The following SHC2 variants were observed in gnomAD, a reference collection of about 807,000 sequenced individuals.
SHC2 encodes SHC-transforming protein 2.
A neutral mutation model predicts 60.6 loss-of-function variants in SHC2; 62 were observed. The ratio of observed to expected loss-of-function variants is 1.02; its 90% CI spans 0.83 to 1.26. The LOEUF is 1.26. Among genes scored for constraint, SHC2 ranks in the 50% most tolerant of loss-of-function variants. The pLI is 0.00. For synonymous variants in SHC2, 375 were observed against 372.4 expected, an observed-to-expected ratio of 1.01 and a Z score of -0.08; for missense variants, 873 against 822.2, an observed-to-expected ratio of 1.06 and a Z score of -0.76.
chr19:451,973 G>A (rs1023635347), intron 1 of SHC2, among the ~76,000 whole-genome samples: 9 of 152,220 alleles, frequency 5.9e-5, no homozygotes, highest in Admixed American at 2.0e-4. Context: ...GACTCCAGCC[G>A]TGGTGTCGGA....
At chr19:429,703 G>A (rs1375132890) in intron 9 of SHC2, among the ~76,000 whole-genome samples, 96 of 90,752 alleles carry the variant, frequency 1.1e-3, no homozygotes, top group South Asian at 2.0e-3. Context: ...CAACATGCAC[G>A]GAAACCTAAC....
Position 417,214 on chromosome 19 carries a change from C to CGGTGGTT in SHC2, c.*107_*113dup, listed in dbSNP as rs1023461243. ...GCTCATGCGGAGGAAGGAGAGGCAG[C>CGGTGGTT]GGTGGTTCGGCCTGACCAGGATCCA... On this transcript the variant is annotated 3_prime_UTR_variant, in exon 13 of 13. Transcript: ENST00000264554. 6.5e-6 allele frequency: 1 copy of CGGTGGTT among 152,996 alleles called. No individual in the cohort carries two copies. Among genetic ancestry groups the CGGTGGTT allele is most frequent in the African/African-American group, 2.4e-5 (1 of 41,430 alleles). 9.5% of individuals were successfully genotyped at this position (152,996 alleles called of 1,614,324 possible).
intron 9 of SHC2, among the ~76,000 whole-genome samples, chr19:428,379 G>A (rs1467737675): frequency 6.6e-6 from 1 of 152,222 alleles, no homozygotes; most frequent in Non-Finnish European, 1.5e-5. Context: ...ACTGCTGTCT[G>A]TCATGGCAAA....
intron 1 of SHC2, among the ~76,000 whole-genome samples, chr19:458,464 G>A (rs1975434470): frequency 7.1e-6 from 1 of 140,614 alleles, no homozygotes; most frequent in Non-Finnish European, 1.6e-5. Flanking sequence ...GGGTTCCGGG[G>A]AGGCAGACGC....
chr19:430,772 C>T (rs1448708677), intron 8 of SHC2, 25 bp from the exon 9 acceptor site: 1 of 1,609,780 alleles, frequency 6.2e-7, no homozygotes, highest in South Asian at 1.1e-5. Context: ...GTGAGAGGTT[C>T]CCCGGTGTGT....
chr19:417,476 C>T (rs1568278443), intron 12 of SHC2, among the ~76,000 whole-genome samples, 154 bp from the exon 13 acceptor site: 1 of 152,228 alleles, frequency 6.6e-6, no homozygotes, highest in Non-Finnish European at 1.5e-5. Context: ...ATGGCTGGGG[C>T]TCCGGTGCAG....
In SHC2 at chr19:438,324, G is replaced by A. The variant is rs1568289745; in HGVS notation, c.720+394C>T. On this transcript the variant is annotated intron_variant, in intron 4 of 12. Transcript: ENST00000264554. This position sits in a 1 kb window ranked among gnomAD's most constrained non-coding sequence, Gnocchi z 5.0. ...GCGTGAGCAACCAAGCCCGAGCCTG[G>A]TCTGCAATTATACTTTTGTTGTTTG... 6.6e-6 allele frequency among the ~76,000 whole-genome samples: 1 copy of A among 152,242 alleles called. No homozygotes were observed. Among genetic ancestry groups the A allele is most frequent in the Non-Finnish European group, 1.5e-5 (1 of 68,042 alleles).
At chr19:448,756 G>C (rs1373764389) in intron 1 of SHC2, among the ~76,000 whole-genome samples, 1 of 152,156 alleles carries the variant, frequency 6.6e-6, no homozygotes, top group South Asian at 2.1e-4. Context: ...ACACCAGGCA[G>C]ACACAAACTG....
chr19:455,021 C>T (rs1348191274), intron 1 of SHC2, among the ~76,000 whole-genome samples: 1 of 152,236 alleles, frequency 6.6e-6, no homozygotes, highest in East Asian at 1.9e-4. Context: ...AGACGGCAGT[C>T]ACCGGGTCAG....
At chr19:456,044 G>A (rs1414692074) in intron 1 of SHC2, among the ~76,000 whole-genome samples, 2 of 152,152 alleles carry the variant, frequency 1.3e-5, no homozygotes. Context: ...GCTCCCGCAG[G>A]AGGACCCTCA....
At position 438,949 on chromosome 19, in the gene SHC2, G is replaced by C; in HGVS notation, c.600+21C>G. 1 of 1,592,630 alleles carries C rather than the reference G, an allele frequency of 6.3e-7. No homozygotes were observed. The highest frequency in any genetic ancestry group is 8.5e-7 in the Non-Finnish European group (1 of 1,170,012). Reference sequence around the variant, plus strand: ...CCCGACTGCCCCACCAGCCCCACGAGAGACCACAAGCCTCACTCACCTTTT... The same window carrying C: ...CCCGACTGCCCCACCAGCCCCACGACAGACCACAAGCCTCACTCACCTTTT... On this transcript the variant is annotated intron_variant, in intron 3 of 12. Transcript: ENST00000264554. The surrounding 1 kb of genome is among the most constrained non-coding windows in gnomAD (Gnocchi z 5.0).
intron 12 of SHC2, 29 bp downstream of exon 12, chr19:418,894 G>C: frequency 1.3e-6 from 2 of 1,570,476 alleles, no homozygotes; most frequent in South Asian, 2.3e-5. Flanking sequence ...AGGAGGCAAG[G>C]CCAGCGACCC....
chr19:452,140 G>A (rs1236354660), intron 1 of SHC2, among the ~76,000 whole-genome samples: 4 of 152,040 alleles, frequency 2.6e-5, no homozygotes, highest in African/African-American at 4.8e-5. Context: ...GCGTTTCTCC[G>A]TTTCACTGCG....
rs1228252536 is a variant in SHC2 at position 446,238 on chromosome 19, C to T, written c.469-5306G>A. 2.6e-5 allele frequency among the ~76,000 whole-genome samples: 4 copies of T among 152,054 alleles called. No individual in the cohort carries two copies. Among genetic ancestry groups the T allele is most frequent in the Admixed American group, 6.6e-5 (1 of 15,252 alleles). On this transcript the variant is annotated intron_variant, in intron 1 of 12. Coordinates refer to ENST00000264554, the MANE Select transcript of SHC2 (RefSeq NM_012435.3). The surrounding 1 kb of genome is among the most constrained non-coding windows in gnomAD (Gnocchi z 5.4). ...AACCAGCCCTGCCCACACCTTGGCT[C>T]GGACGTTGGGCCCCAGAACTGTGAC... is the stretch of plus-strand genomic sequence containing the variant.
chr19:437,851 C>G, intron 4 of SHC2, among the ~76,000 whole-genome samples: 1 of 152,004 alleles, frequency 6.6e-6, no homozygotes, highest in East Asian at 1.9e-4. Context: ...GATTCCCCTC[C>G]TCACCACCTC....
chr19:452,150 G>A (rs999389950), intron 1 of SHC2, among the ~76,000 whole-genome samples: 1 of 152,148 alleles, frequency 6.6e-6, no homozygotes, highest in Non-Finnish European at 1.5e-5. Flanking sequence ...GTTTCACTGC[G>A]GTTGGGGCAT....
At position 424,577 on chromosome 19, in the gene SHC2, C is replaced by A. The variant is rs1201561714; in HGVS notation, c.1309+520G>T. 6.6e-6 allele frequency among the ~76,000 whole-genome samples: 1 copy of A among 152,180 alleles called. No homozygotes were observed. Among genetic ancestry groups the A allele is most frequent in the African/African-American group, 2.4e-5 (1 of 41,432 alleles). ...GTCCCATGGGGCGAGGGTCTGGCTT[C>A]CCCTGTTGACTGGAGGGCCTCACAG... On this transcript the variant is annotated intron_variant, in intron 10 of 12. Transcript: ENST00000264554. This position sits in a 1 kb window ranked among gnomAD's most constrained non-coding sequence, Gnocchi z 4.5.
Position 460,687 on chromosome 19 carries a change from A to C in SHC2, c.310T>G (p.Ser104Ala), listed in dbSNP as rs1302069575. Residue 104 changes from serine (S) to alanine (A), a missense_variant, in exon 1 of 13, where the codon TCG (serine) becomes GCG (alanine). Ser to Ala is a moderately conservative substitution (Grantham distance 99). Coordinates refer to ENST00000264554, the MANE Select transcript of SHC2 (RefSeq NM_012435.3). ...PALSRCRGAG[S>A]RGSRGGRGAA... ...CCCCGCCCGCCCCGCGACCCCCGCG[A>C]CCCCGCGCCCCGACAGCGGCTGAGC... The C allele has an allele frequency of 2.7e-5, 28 of 1,038,542 alleles. No individual in the cohort carries two copies. In the African/African-American group the frequency reaches 4.2e-4, roughly 16 times the overall value. 64.3% of individuals were successfully genotyped at this position (1,038,542 alleles called of 1,614,324 possible).
At chr19:443,779 TGGA>T (rs2145735612) in intron 1 of SHC2, among the ~76,000 whole-genome samples, 1 of 135,164 alleles carries the variant, frequency 7.4e-6, no homozygotes, top group Admixed American at 7.3e-5. Flanking sequence ...GATGGGTGGA[TGGA>T]TGGATGGATG....
Sources: allele counts gnomAD v4.1 joint callset (sites outside exome capture counted in the v4.1 genomes callset), GRCh38; gene constraint gnomAD v4.1.1; non-coding constraint Gnocchi (gnomAD v3.1); transcripts MANE v1.5; gene names NCBI Gene and HGNC (gene_info 2026-07-23, HGNC 2026-07-21).